Variants in SNTG2 observed in about 807,000 individuals in gnomAD.
SNTG2 encodes gamma-2-syntrophin.
Under a neutral mutation model 70.9 loss-of-function variants are expected in SNTG2, and 74 were observed. The observed-to-expected ratio is 1.04, with a 90% CI of 0.86 to 1.27. The LOEUF (loss-of-function observed/expected upper bound fraction) is 1.27. SNTG2 is among the 50% of genes most tolerant of loss of function. The probability of loss-of-function intolerance (pLI) is 0.00; values close to 1 mark genes in which losing one functional copy is unlikely to be tolerated. For missense variants in SNTG2, 717 were observed against 690.7 expected, an observed-to-expected ratio of 1.04 and a Z score of -0.43; for synonymous variants, 278 against 273.8, an observed-to-expected ratio of 1.02 and a Z score of -0.15.
At chr2:1,310,103 A>G (rs771580932) in intron 15 of SNTG2, among the ~76,000 whole-genome samples, 8 of 152,230 alleles carry the variant, frequency 5.3e-5, no homozygotes, top group Non-Finnish European at 1.2e-4. Flanking sequence ...CTGTGTTTCA[A>G]GTAATGAAGT....
At chr2:1,321,711 C>A (rs35480191) in intron 16 of SNTG2, among the ~76,000 whole-genome samples, 1 of 151,946 alleles carries the variant, frequency 6.6e-6, no homozygotes, top group Non-Finnish European at 1.5e-5. Context: ...ACCAGGGGCT[C>A]CTAAATGTTC....
chr2:1,209,001 G>A, intron 8 of SNTG2, 102 bp from the exon 9 acceptor site: 2 of 1,410,446 alleles, frequency 1.4e-6, no homozygotes, highest in Non-Finnish European at 1.9e-6. Context: ...CAGTTGAAAT[G>A]TGTTGGACTT....
intron 8 of SNTG2, among the ~76,000 whole-genome samples, chr2:1,185,275 G>A (rs550546040): frequency 3.9e-5 from 6 of 152,322 alleles, no homozygotes; most frequent in South Asian, 4.1e-4. Flanking sequence ...AAAGACTGGC[G>A]TTGAGTGCCT....
At chr2:1,007,028 C>CAAAT (rs140776493) in intron 1 of SNTG2, among the ~76,000 whole-genome samples, 734 of 61,418 alleles carry the variant, frequency 0.012, 5 homozygotes, top group African/African-American at 0.024. Flanking sequence ...AACTCCATCT[C>CAAAT]AAATAAATAA....
chr2:970,434 A>G (rs1413760112), intron 1 of SNTG2, among the ~76,000 whole-genome samples: 3 of 130,634 alleles, frequency 2.3e-5, no homozygotes, highest in Admixed American at 1.7e-4. Flanking sequence ...CCACCCCACA[A>G]CAGTCCCCAG....
intron 8 of SNTG2, 76 bp from the exon 9 acceptor site, chr2:1,209,027 G>A: frequency 6.4e-7 from 1 of 1,564,448 alleles, no homozygotes; most frequent in Non-Finnish European, 8.7e-7. Flanking sequence ...CTGTGTTCCA[G>A]GTGCCTGCAG....
intron 4 of SNTG2, among the ~76,000 whole-genome samples, chr2:1,106,249 G>T (rs1472503775): frequency 8.2e-6 from 1 of 122,662 alleles, no homozygotes; most frequent in African/African-American, 3.2e-5. Flanking sequence ...TCACTCGGGT[G>T]CAGGGTATGG....
At chr2:1,115,223 C>A (rs1399068005) in intron 4 of SNTG2, among the ~76,000 whole-genome samples, 1 of 141,270 alleles carries the variant, frequency 7.1e-6, no homozygotes, top group African/African-American at 2.7e-5. Flanking sequence ...AATGTTTAAC[C>A]CCTATAGTTC....
chr2:956,040 C>T (rs1337563867), intron 1 of SNTG2, among the ~76,000 whole-genome samples: 1 of 143,762 alleles, frequency 7.0e-6, no homozygotes, highest in African/African-American at 2.8e-5. Context: ...GGCCCCTGCC[C>T]CTGCCCCTGC....
At position 1,083,250 on chromosome 2, in the gene SNTG2, T is replaced by TA. The variant is rs34463801; in HGVS notation, c.73-258dup. On this transcript the variant is annotated intron_variant, in intron 1 of 16. Coordinates refer to ENST00000308624, the MANE Select transcript of SNTG2 (RefSeq NM_018968.4). ...TAAAATACTATAAAACTTCACAAGT[T>TA]AAAAAAAAAACAAACGCCTGGCTAA... Among the ~76,000 whole-genome samples, 420 of 56,208 alleles carry TA rather than the reference T, an allele frequency of 7.5e-3. 3 individuals are homozygous for TA. Among genetic ancestry groups the TA allele is most frequent in the African/African-American group, 0.019 (392 of 20,500 alleles). 36.9% of individuals were successfully genotyped at this position (56,208 alleles called of 152,430 possible). A position where few individuals can be genotyped will look rare whatever the true frequency, so the allele number is the denominator to read the frequency against.
chr2:1,162,802 A>G (rs574229192), intron 6 of SNTG2, among the ~76,000 whole-genome samples: 1 of 152,276 alleles, frequency 6.6e-6, no homozygotes, highest in East Asian at 1.9e-4. Context: ...GAATCAGACA[A>G]ATCTGCTAGT....
chr2:1,209,077 G>A (rs750757071), intron 8 of SNTG2, 26 bp from the exon 9 acceptor site: 10 of 1,611,678 alleles, frequency 6.2e-6, no homozygotes, highest in South Asian at 3.3e-5. Context: ...CCTCTGTGAC[G>A]CTTCATTCTC....
chr2:1,302,611 A>C (rs1255208769), intron 14 of SNTG2, among the ~76,000 whole-genome samples: 1 of 152,122 alleles, frequency 6.6e-6, no homozygotes, highest in East Asian at 1.9e-4. Context: ...AAAGACAGGA[A>C]ACAAAAAATA....
chr2:1,185,397 CTG>C lies in SNTG2; in HGVS notation c.591+12219_591+12220del, dbSNP rs545418567. Among the ~76,000 whole-genome samples, 7 of 152,336 alleles carry C rather than the reference CTG, an allele frequency of 4.6e-5. No individual in the cohort carries two copies. In the East Asian group the frequency reaches 9.7e-4, roughly 21 times the overall value. On this transcript the variant is annotated intron_variant, in intron 8 of 16. Coordinates refer to ENST00000308624, the MANE Select transcript of SNTG2 (RefSeq NM_018968.4). Reference sequence around the variant, plus strand: ...AGTAGTCAGCATCCCAGTAGAGACTCTGTGTGGGAGCTCCAACCGCACATTTC... The same window carrying C: ...AGTAGTCAGCATCCCAGTAGAGACTCTGTGGGAGCTCCAACCGCACATTTC...
In SNTG2 at chr2:1,222,067, CT is replaced by C. The variant is rs1675143735; in HGVS notation, c.719+12838del. ...TCTCTGTCTCTCTCTGTCTCTGTTT[CT>C]CTCTGTCTCTGTCTCTGTCTCTCTC... On this transcript the variant is annotated intron_variant, in intron 9 of 16. Coordinates refer to ENST00000308624, the MANE Select transcript of SNTG2 (RefSeq NM_018968.4). 6.9e-4 allele frequency among the ~76,000 whole-genome samples: 9 copies of C among 13,012 alleles called. 3 individuals are homozygous for C. Among genetic ancestry groups the C allele is most frequent in the Admixed American group, 1.2e-3 (2 of 1,668 alleles). 8.5% of individuals were successfully genotyped at this position (13,012 alleles called of 152,430 possible).
At chr2:1,255,887 T>TATAA (rs1678065729) in intron 12 of SNTG2, among the ~76,000 whole-genome samples, 1 of 63,534 alleles carries the variant, frequency 1.6e-5, no homozygotes, top group Non-Finnish European at 2.8e-5. Flanking sequence ...TATATATAAA[T>TATAA]ATATATAAAT....
intron 2 of SNTG2, among the ~76,000 whole-genome samples, chr2:1,088,386 C>G (rs1254148778): frequency 1.3e-5 from 2 of 152,174 alleles, no homozygotes; most frequent in African/African-American, 4.8e-5. Flanking sequence ...GTCGCCTAAC[C>G]TGTCTTTCTT....
At chr2:1,084,862 A>G (rs1026116139) in intron 2 of SNTG2, among the ~76,000 whole-genome samples, 2 of 152,132 alleles carry the variant, frequency 1.3e-5, no homozygotes, top group South Asian at 2.1e-4. Flanking sequence ...CTCTCCGCCA[A>G]GCTTTCGTGT....
At chr2:1,349,195 G>A (rs1293278121) in intron 16 of SNTG2, among the ~76,000 whole-genome samples, 6 of 152,172 alleles carry the variant, frequency 3.9e-5, no homozygotes, top group East Asian at 1.9e-4. Flanking sequence ...GCTCTGAATC[G>A]TTTCCTGGTT....
Sources: gnomAD v4.1 joint callset for allele counts (sites outside exome capture counted in the v4.1 genomes callset) on GRCh38, gnomAD v4.1.1 for gene constraint, MANE v1.5 for transcripts, NCBI Gene and HGNC (gene_info 2026-07-23, HGNC 2026-07-21) for gene names.